Variants in GPRC5C observed in about 807,000 individuals in gnomAD.
The protein encoded by GPRC5C is G protein-coupled receptor family C group 5 member C.
A neutral mutation model predicts 31.4 loss-of-function variants in GPRC5C; 22 were observed. That is an observed-to-expected ratio of 0.70 (90% CI 0.50 to 1.00). The LOEUF is 1.00. GPRC5C is among the 50% of genes least tolerant of loss of function. GPRC5C has a pLI of 0.00. For missense variants in GPRC5C, 557 were observed against 597.2 expected, an observed-to-expected ratio of 0.93 and a Z score of 0.70; for synonymous variants, 249 against 257.5, an observed-to-expected ratio of 0.97 and a Z score of 0.32.
At position 74,447,238 on chromosome 17, in the gene GPRC5C, C is replaced by T; in HGVS notation, c.*210C>T. ...GTGTTTGTGGAGTCGAGGAGCCAAC[C>T]CCAGCCTCCTGCCAGGATCACCTCG... is the stretch of plus-strand genomic sequence containing the variant. On this transcript the variant is annotated 3_prime_UTR_variant, in exon 4 of 4. Transcript: ENST00000392627. 1.5e-6 allele frequency: 2 copies of T among 1,313,982 alleles called. No homozygotes were observed. Among genetic ancestry groups the T allele is most frequent in the Non-Finnish European group, 1.9e-6 (2 of 1,030,800 alleles). The allele number at this position is 1,313,982 out of a possible 1,614,324, so 81.4% of individuals were successfully genotyped here.
At chr17:74,432,631 C>CCGCAGTTGGCGCG (rs2055371768) in intron 1 of GPRC5C, 2 of 583,266 alleles carry the variant, frequency 3.4e-6, no homozygotes, top group Non-Finnish European at 4.3e-6. Flanking sequence ...GGGCTGGGGA[C>CCGCAGTTGGCGCG]GCCGCGCCAA....
At chr17:74,436,428 C>G (rs1398057604) in intron 1 of GPRC5C, among the ~76,000 whole-genome samples, 8 of 152,164 alleles carry the variant, frequency 5.3e-5, no homozygotes, top group Non-Finnish European at 1.5e-5. Context: ...AACAGTCTTT[C>G]TCTACTCTGC....
intron 1 of GPRC5C, among the ~76,000 whole-genome samples, chr17:74,436,137 C>G (rs1401327603): frequency 6.6e-6 from 1 of 152,224 alleles, no homozygotes; most frequent in Non-Finnish European, 1.5e-5. Flanking sequence ...CAGCCCCACC[C>G]CTGTAGCATT....
downstream of GPRC5C, chr17:74,448,865 G>A (rs1208834934): frequency 5.4e-6 from 7 of 1,289,818 alleles, no homozygotes; most frequent in Non-Finnish European, 7.1e-6. Context: ...CACCAACCAG[G>A]TTTTCCTAAG....
Position 74,440,159 on chromosome 17 carries a change from C to T in GPRC5C, c.383C>T (p.Ala128Val). ...SRRFLFGVLF[A>V]ICFSCLAAHV... ...CGCTTCCTCTTTGGGGTTCTGTTCG[C>T]CATCTGCTTCTCTTGTCTGGCGGCT... The change falls in exon 2 of 4, where the codon GCC (alanine) becomes GTC (valine). Residue 128 changes from alanine (A) to valine (V), a missense_variant. Physicochemically the swap from Ala to Val is moderately conservative, Grantham distance 64 (BLOSUM62 0). Transcript: ENST00000392627. The surrounding 1 kb of genome is among the most constrained non-coding windows in gnomAD (Gnocchi z 4.4). 6.2e-7 allele frequency: 1 copy of T among 1,614,224 alleles called. No individual in the cohort carries two copies. The highest frequency in any genetic ancestry group is 8.5e-7 in the Non-Finnish European group (1 of 1,180,032).
chr17:74,448,051 G>A (rs1468145593), downstream of GPRC5C, among the ~76,000 whole-genome samples: 1 of 152,232 alleles, frequency 6.6e-6, no homozygotes, highest in Non-Finnish European at 1.5e-5. Context: ...GCTCATGCCT[G>A]TAATTCCAGC....
chr17:74,433,675 C>A, intron 1 of GPRC5C: 1 of 1,594,458 alleles, frequency 6.3e-7, no homozygotes, highest in Non-Finnish European at 8.6e-7. Context: ...GGGAGGAAGG[C>A]AAGTGCTCTG....
At position 74,439,942 on chromosome 17, in the gene GPRC5C, G is replaced by A. The variant is rs781544471; in HGVS notation, c.166G>A (p.Val56Met). 2.0e-5 allele frequency: 32 copies of A among 1,611,242 alleles called. No individual in the cohort carries two copies. Among genetic ancestry groups the A allele is most frequent in the South Asian group, 4.4e-5 (4 of 91,086 alleles). Residue 56 changes from valine to methionine, a missense_variant, in exon 2 of 4, where the codon GTG becomes ATG. Val to Met is a conservative substitution (Grantham distance 21). Coordinates refer to ENST00000392627, the MANE Select transcript of GPRC5C (RefSeq NM_022036.4). ...SGAWGIVLEA[V>M]AGAGIVTTFV... ...GGCGTGGGGCATCGTCCTGGAGGCC[G>A]TGGCTGGGGCGGGCATTGTCACCAC...
intron 1 of GPRC5C, chr17:74,433,664 T>A (rs1173570854): frequency 1.3e-6 from 2 of 1,546,470 alleles, no homozygotes; most frequent in African/African-American, 2.7e-5. Flanking sequence ...GTGTGTGGGA[T>A]GGGAGGAAGG....
chr17:74,432,558 A>T, intron 1 of GPRC5C: 1 of 985,448 alleles, frequency 1.0e-6, no homozygotes, highest in Non-Finnish European at 1.2e-6. Flanking sequence ...CGCCGCCCGG[A>T]AGAGTCGGGT....
At chr17:74,442,277 A>G (rs2055553428) in intron 2 of GPRC5C, among the ~76,000 whole-genome samples, 1 of 152,210 alleles carries the variant, frequency 6.6e-6, no homozygotes, top group Non-Finnish European at 1.5e-5. Context: ...TGCTGGGATT[A>G]CAGGTGTGAG....
At chr17:74,447,814 G>C (rs979975436), downstream of GPRC5C, among the ~76,000 whole-genome samples, 12 of 152,304 alleles carry the variant, frequency 7.9e-5, no homozygotes, top group African/African-American at 2.9e-4. Flanking sequence ...ACTCATTTCA[G>C]CTTCTCCTGG....
downstream of GPRC5C, among the ~76,000 whole-genome samples, chr17:74,448,141 T>G (rs1157391794): frequency 6.6e-6 from 1 of 152,048 alleles, no homozygotes; most frequent in Admixed American, 6.5e-5. Context: ...AGACCTTGTT[T>G]CTACAAAAAA....
intron 2 of GPRC5C, chr17:74,443,370 C>T (rs552844595): frequency 6.1e-5 from 20 of 330,508 alleles, no homozygotes; most frequent in African/African-American, 3.0e-4. Flanking sequence ...AGGCTTAGGC[C>T]GAGGGCTCTC....
At chr17:74,443,781 C>G in intron 2 of GPRC5C, 37 bp from the exon 3 acceptor site, 1 of 1,430,650 alleles carries the variant, frequency 7.0e-7, no homozygotes, top group South Asian at 1.1e-5. Flanking sequence ...AGCTGAGAGC[C>G]CTGGGATCTT....
chr17:74,445,261 AAAT>A, intron 3 of GPRC5C: 1 of 127,142 alleles, frequency 7.9e-6, no homozygotes, highest in Non-Finnish European at 1.5e-5. Flanking sequence ...AAAAATAAAT[AAAT>A]AAGAAAAAAA....
In GPRC5C at chr17:74,440,670, C is replaced by T. The variant is rs764963013; in HGVS notation, c.894C>T (p.Pro298=). ...CCTTCGTCCTCTTCTACGTCATCCCCGAGGTCTCCCAGGTGACCAAGTCCA... is the reference window on the plus strand; with the variant it reads ...CCTTCGTCCTCTTCTACGTCATCCCTGAGGTCTCCCAGGTGACCAAGTCCA... ...AWAFVLFYVI[P]EVSQVTKSSP... The change falls in exon 2 of 4, where the codon CCC becomes CCT. Residue 298 remains proline, a synonymous_variant. Coordinates refer to ENST00000392627, the MANE Select transcript of GPRC5C (RefSeq NM_022036.4). This position sits in a 1 kb window ranked among gnomAD's most constrained non-coding sequence, Gnocchi z 4.4. 46 of 1,607,942 alleles carry T rather than the reference C, an allele frequency of 2.9e-5. 1 individual carries two copies. The highest frequency in any genetic ancestry group is 2.5e-4 in the Admixed American group (15 of 59,848).
chr17:74,444,048 T>G, intron 3 of GPRC5C, 136 bp downstream of exon 3: 1 of 655,482 alleles, frequency 1.5e-6, no homozygotes. Context: ...CTCCATCTGG[T>G]GCTTTTACCT....
chr17:74,438,250 TATTTG>T (rs1460324577), intron 1 of GPRC5C, among the ~76,000 whole-genome samples: 395 of 107,760 alleles, frequency 3.7e-3, no homozygotes, highest in African/African-American at 0.016. Context: ...TATATATATA[TATTTG>T]TTGTTGTTGT....
Sources: allele counts gnomAD v4.1 joint callset (sites outside exome capture counted in the v4.1 genomes callset), GRCh38; gene constraint gnomAD v4.1.1; non-coding constraint Gnocchi (gnomAD v3.1); transcripts MANE v1.5; gene names NCBI Gene and HGNC (gene_info 2026-07-23, HGNC 2026-07-21).